The following STARD8 variants were observed in gnomAD, a reference collection of about 807,000 sequenced individuals.
STARD8 encodes the protein stAR-related lipid transfer protein 8.
STARD8 carries 25 observed loss-of-function variants against 69.4 expected under a neutral mutation model. That is an observed-to-expected ratio of 0.36 (90% CI 0.26 to 0.50). The LOEUF is 0.50. Among genes scored for constraint, STARD8 ranks in the 20% least tolerant of loss-of-function variants. The probability of loss-of-function intolerance (pLI) is 0.96; values close to 1 mark genes in which losing one functional copy is unlikely to be tolerated. For missense variants in STARD8, 921 were observed against 932.5 expected, an observed-to-expected ratio of 0.99 and a Z score of 0.16; for synonymous variants, 389 against 374.6, an observed-to-expected ratio of 1.04 and a Z score of -0.45.
rs1287993380 is a variant in STARD8 at position 68,668,274 on chromosome X, C to CTTTCTCTT, written c.79+2743_79+2744insTTCTCTTT. On this transcript the variant is annotated intron_variant, in intron 2 of 14. Transcript: ENST00000374599. ...TCTTTCTTTCTTTCTTTCTTTCTTT[C>CTTTCTCTT]TCTTTCTTTCTTTCTTTCTTTCTTT... is the stretch of plus-strand genomic sequence containing the variant. Among the ~76,000 whole-genome samples, 165 of 66,733 alleles carry CTTTCTCTT rather than the reference C, an allele frequency of 2.5e-3. 1 individual carries two copies. The highest frequency in any genetic ancestry group is 9.3e-3 in the African/African-American group (127 of 13,610). The allele number at this position is 66,733 out of a possible 115,157, so 57.9% of individuals were successfully genotyped here.
chrX:68,649,020 A>G (rs1181837807), intron 1 of STARD8, among the ~76,000 whole-genome samples: 3 of 112,240 alleles, frequency 2.7e-5, no homozygotes, highest in Non-Finnish European at 5.6e-5. Flanking sequence ...TCCTAAGTCC[A>G]TGCCTTTCTT....
In STARD8 at chrX:68,647,743, C is replaced by A; in HGVS notation, c.-140C>A. The A allele has an allele frequency of 1.2e-6, 1 of 806,156 alleles. No individual in the cohort carries two copies. The highest frequency in any genetic ancestry group is 3.8e-5 in the Admixed American group (1 of 26,257). The allele number at this position is 806,156 out of a possible 1,213,427, so 66.4% of individuals were successfully genotyped here. On this transcript the variant is annotated 5_prime_UTR_variant, in exon 1 of 15. Transcript: ENST00000374599. ...GCAACCGCTGCTCTCCGCCTCTCCC[C>A]TCGCGGGGCCGGCTCATGGAGCGCA...
chrX:68,682,669 G>T (rs1729940664), intron 2 of STARD8, among the ~76,000 whole-genome samples: 1 of 112,683 alleles, frequency 8.9e-6, no homozygotes, highest in South Asian at 3.7e-4. Context: ...GAGTTAAAAT[G>T]TGCAAAGAGC....
intron 1 of STARD8, among the ~76,000 whole-genome samples, chrX:68,664,738 T>G (rs142623329): frequency 8.9e-6 from 1 of 112,107 alleles, no homozygotes; most frequent in East Asian, 2.8e-4. Flanking sequence ...GTTTACTTAT[T>G]TATTGTTTGT....
Position 68,717,277 on chromosome X carries a change from T to C in STARD8, c.363T>C (p.Ser121=), listed in dbSNP as rs2080099333. The C allele has an allele frequency of 8.3e-7, 1 of 1,203,965 alleles. No homozygotes were observed. Among genetic ancestry groups the C allele is most frequent in the Non-Finnish European group, 1.1e-6 (1 of 891,753 alleles). ...ISSHWAFQQE[S]KCWSPMGSSD... ...GCCACTGGGCCTTCCAGCAGGAAAG[T>C]AAGTGCTGGTCTCCTATGGGGTCCT... Residue 121 remains serine, a synonymous_variant, in exon 6 of 15, where the codon AGT becomes AGC. Coordinates refer to ENST00000374599, the MANE Select transcript of STARD8 (RefSeq NM_001142503.3).
chrX:68,706,538 C>T (rs940259721), intron 2 of STARD8, among the ~76,000 whole-genome samples: 1 of 111,878 alleles, frequency 8.9e-6, no homozygotes, highest in African/African-American at 3.3e-5. Flanking sequence ...CCCACTGTCC[C>T]CCAGGGAGAG....
rs923370917 is a variant in STARD8, at chrX:68,661,996, C to A, written c.46-3503C>A. 6.8e-4 allele frequency among the ~76,000 whole-genome samples: 57 copies of A among 83,858 alleles called. 2 individuals are homozygous for A. The highest frequency in any genetic ancestry group is 2.6e-3 in the African/African-American group (53 of 20,745). 72.8% of individuals were successfully genotyped at this position (83,858 alleles called of 115,157 possible). On this transcript the variant is annotated intron_variant, in intron 1 of 14. Coordinates refer to ENST00000374599, the MANE Select transcript of STARD8 (RefSeq NM_001142503.3). ...TCTTTCTTTCTTTCTTTCTTTCTTT[C>A]TTTCTTTCTTTCTTTCTTTCTTTCT... is the stretch of plus-strand genomic sequence containing the variant.
chrX:68,670,452 G>A (rs1263462270), intron 2 of STARD8, among the ~76,000 whole-genome samples: 1 of 111,624 alleles, frequency 9.0e-6, no homozygotes, highest in East Asian at 2.8e-4. Flanking sequence ...AGGAGTGTAA[G>A]GGCTTCTTTT....
intron 2 of STARD8, among the ~76,000 whole-genome samples, chrX:68,710,427 A>G (rs1348931362): frequency 8.9e-6 from 1 of 112,370 alleles, no homozygotes; most frequent in Admixed American, 9.4e-5. Context: ...CTTCTTAAAT[A>G]TAGTGGTTCT....
chrX:68,709,942 G>A (rs984738520), intron 2 of STARD8, among the ~76,000 whole-genome samples: 8 of 112,109 alleles, frequency 7.1e-5, no homozygotes, highest in African/African-American at 2.6e-4. Context: ...TATACAACTC[G>A]CCCAAAGTCA....
intron 2 of STARD8, among the ~76,000 whole-genome samples, chrX:68,698,203 T>C (rs1029361018): frequency 9.0e-6 from 1 of 111,503 alleles, no homozygotes; most frequent in Non-Finnish European, 1.9e-5. Flanking sequence ...AGGACATGGG[T>C]TCAGCTTGGA....
At chrX:68,719,777 C>T (rs73531945) in intron 7 of STARD8, among the ~76,000 whole-genome samples, 2,330 of 112,138 alleles carry the variant, frequency 0.021, 69 homozygotes, top group African/African-American at 0.072. Flanking sequence ...CCTAAGCAAC[C>T]CCACCTTACA....
At chrX:68,653,273 C>T (rs2079579634) in intron 1 of STARD8, among the ~76,000 whole-genome samples, 1 of 54,558 alleles carries the variant, frequency 1.8e-5, no homozygotes, top group Non-Finnish European at 3.4e-5. Flanking sequence ...CACCACACAC[C>T]ACACCACACA....
At chrX:68,723,915 A>G in intron 13 of STARD8, 30 bp from the exon 14 acceptor site, 2 of 1,209,334 alleles carry the variant, frequency 1.7e-6, no homozygotes, top group South Asian at 1.8e-5. Flanking sequence ...AGCACTAGGA[A>G]TCTGAGCCTA....
At chrX:68,716,036 A>T (rs988102495) in intron 4 of STARD8, among the ~76,000 whole-genome samples, 3 of 110,823 alleles carry the variant, frequency 2.7e-5, no homozygotes, top group African/African-American at 9.9e-5. Context: ...TCAAAATCCC[A>T]TTTGCATCCT....
intron 2 of STARD8, among the ~76,000 whole-genome samples, chrX:68,688,802 C>G (rs1169104983): frequency 1.9e-5 from 2 of 102,889 alleles, no homozygotes; most frequent in Admixed American, 2.1e-4. Flanking sequence ...CTCCCCTGGC[C>G]CCAGGTACCC....
intron 2 of STARD8, among the ~76,000 whole-genome samples, chrX:68,684,071 G>A (rs1372061812): frequency 1.8e-5 from 2 of 112,712 alleles, no homozygotes; most frequent in African/African-American, 3.2e-5. Context: ...GGTATAGCTT[G>A]TGCTCAATCC....
chrX:68,656,991 G>A (rs1268702198), intron 1 of STARD8, among the ~76,000 whole-genome samples: 4 of 111,576 alleles, frequency 3.6e-5, no homozygotes, highest in Non-Finnish European at 7.5e-5. Flanking sequence ...ATGTACCCTA[G>A]AACTTAAAAG....
chrX:68,710,284 A>G (rs1329249078), intron 2 of STARD8, among the ~76,000 whole-genome samples: 1 of 112,465 alleles, frequency 8.9e-6, no homozygotes, highest in East Asian at 2.8e-4. Flanking sequence ...CTTCTGGGGA[A>G]GGGGCCCTGG....
Sources: gnomAD v4.1 joint callset for allele counts (sites outside exome capture counted in the v4.1 genomes callset) on GRCh38, gnomAD v4.1.1 for gene constraint, MANE v1.5 for transcripts, NCBI Gene and HGNC (gene_info 2026-07-23, HGNC 2026-07-21) for gene names.